TRPM2: variants seen among roughly 807,000 people sequenced by gnomAD.
TRPM2 encodes the protein estrogen-responsive element-associated gene 1 protein.
TRPM2 carries 161 observed loss-of-function variants against 174.0 expected under a neutral mutation model. The ratio of observed to expected loss-of-function variants is 0.93; its 90% CI spans 0.81 to 1.05. The LOEUF (loss-of-function observed/expected upper bound fraction) is 1.05. Ranked by LOEUF, TRPM2 falls within the 50% of genes least tolerant of loss-of-function variation. TRPM2 has a pLI of 0.00. For synonymous variants in TRPM2, 954 were observed against 861.3 expected, an observed-to-expected ratio of 1.11 and a Z score of -1.88; for missense variants, 2,057 against 2,038.0, an observed-to-expected ratio of 1.01 and a Z score of -0.18.
At chr21:44,387,649 A>G (rs1275044315) in intron 9 of TRPM2, among the ~76,000 whole-genome samples, 1 of 152,200 alleles carries the variant, frequency 6.6e-6, no homozygotes, top group Non-Finnish European at 1.5e-5. Context: ...AATCATACAT[A>G]TGGTAAGGGA....
In TRPM2 at chr21:44,406,782, A is replaced by G. The variant is rs1187903834; in HGVS notation, c.2962+17A>G. The G allele has an allele frequency of 5.7e-6, 9 of 1,588,604 alleles. No individual in the cohort carries two copies. The East Asian group carries it at 6.9e-5, about 12-fold the overall frequency. The stretch of plus-strand genomic sequence containing the variant: ...ACATCGACGGTAGGAGCCGGGCGCC[A>G]TGGGAGCTCGGGTGGTGCTGCCGGG... On this transcript the variant is annotated intron_variant, in intron 19 of 31. Transcript: ENST00000397928.
intron 3 of TRPM2, among the ~76,000 whole-genome samples, chr21:44,365,891 C>T (rs1263444770): frequency 6.6e-6 from 1 of 152,212 alleles, no homozygotes; most frequent in Non-Finnish European, 1.5e-5. Flanking sequence ...CCGGTGGGAC[C>T]CACGTTCTGA....
intron 24 of TRPM2, chr21:44,425,169 G>A (rs892751025): frequency 4.0e-5 from 22 of 546,358 alleles, no homozygotes; most frequent in Non-Finnish European, 4.9e-5. Flanking sequence ...GGACGTCCAC[G>A]GGGAGGCCTG....
At position 44,418,481 on chromosome 21, in the gene TRPM2, G is replaced by A; in HGVS notation, c.3387G>A (p.Lys1129=). The A allele has an allele frequency of 1.2e-6, 2 of 1,614,118 alleles. No homozygotes were observed. Among genetic ancestry groups the A allele is most frequent in the South Asian group, 2.2e-5 (2 of 91,084 alleles). The change falls in exon 22 of 32, where the codon AAG becomes AAA. Residue 1129 remains lysine, a synonymous_variant. Transcript: ENST00000397928. ...AALLSWEIYL[K]ENYLQNRQFQ... ...TGCTATCCTGGGAGATCTACCTGAAGGAGAACTACCTCCAGAACCGACAGT... is the reference window on the plus strand; with the variant it reads ...TGCTATCCTGGGAGATCTACCTGAAAGAGAACTACCTCCAGAACCGACAGT...
chr21:44,407,417 T>C (rs1191273163), intron 19 of TRPM2, among the ~76,000 whole-genome samples: 3 of 145,320 alleles, frequency 2.1e-5, no homozygotes, highest in African/African-American at 7.6e-5. Context: ...TGAGCCACCA[T>C]GCCTGCCAGA....
chr21:44,401,825 G>T lies in TRPM2; in HGVS notation c.2466G>T (p.Gln822His), dbSNP rs759921291. Residue 822 changes from glutamine to histidine, a missense_variant, in exon 16 of 32, where the codon CAG becomes CAT. Physicochemically the swap from Gln to His is conservative, Grantham distance 24. Transcript: ENST00000397928. ...LFAYVLMVDFQPVPSWCECAI... is the reference protein window; with the variant it reads ...LFAYVLMVDFHPVPSWCECAI... ...CCTACGTGCTCATGGTGGACTTCCA[G>T]CCTGTGCCCTCCTGGTGCGAGTGTG... 3 of 1,613,902 alleles carry T rather than the reference G, an allele frequency of 1.9e-6. No homozygotes were observed. The highest frequency in any genetic ancestry group is 1.1e-5 in the South Asian group (1 of 91,084).
In TRPM2 at chr21:44,395,733, A is replaced by G. The variant is rs78207036; in HGVS notation, c.1932+182A>G. Reference sequence around the variant, plus strand: ...GAGGGGTGTGGAGGGCTGTGGAGGGATGTGGAGGCTGTGGAGGGGTGTGGA... The same window carrying G: ...GAGGGGTGTGGAGGGCTGTGGAGGGGTGTGGAGGCTGTGGAGGGGTGTGGA... On this transcript the variant is annotated intron_variant, in intron 12 of 31. Transcript: ENST00000397928. Among the ~76,000 whole-genome samples the G allele has an allele frequency of 4.0e-4, 1 of 2,516 alleles. No homozygotes were observed. The highest frequency in any genetic ancestry group is 7.4e-4 in the Non-Finnish European group (1 of 1,346). The allele number at this position is 2,516 out of a possible 152,430, so 1.7% of individuals were successfully genotyped here. A position where few individuals can be genotyped will look rare whatever the true frequency, so the allele number is the denominator to read the frequency against.
intron 2 of TRPM2, among the ~76,000 whole-genome samples, chr21:44,355,580 G>C (rs2048037215): frequency 6.6e-6 from 1 of 152,170 alleles, no homozygotes. Context: ...TTTGATCCCA[G>C]CTGTCGTGCT....
intron 19 of TRPM2, among the ~76,000 whole-genome samples, chr21:44,412,321 G>T (rs1401456844): frequency 6.6e-6 from 1 of 151,984 alleles, no homozygotes; most frequent in Non-Finnish European, 1.5e-5. Context: ...GTCACCTTTG[G>T]TAGTTTGTGT....
intron 2 of TRPM2, among the ~76,000 whole-genome samples, chr21:44,357,820 A>G (rs1457121274): frequency 6.6e-6 from 1 of 152,176 alleles, no homozygotes; most frequent in African/African-American, 2.4e-5. Context: ...CCCCTCTGAG[A>G]AGGCAACCTG....
chr21:44,425,262 G>C (rs2050715463), intron 24 of TRPM2: 3 of 410,742 alleles, frequency 7.3e-6, no homozygotes, highest in African/African-American at 2.0e-5. Context: ...GTCTGAACCT[G>C]GTCACGTAGG....
intron 11 of TRPM2, among the ~76,000 whole-genome samples, chr21:44,394,499 T>C (rs1475613362): frequency 6.6e-6 from 1 of 151,896 alleles, no homozygotes; most frequent in East Asian, 2.0e-4. Context: ...TTTTGTATTT[T>C]TAGTAGAGAT....
In TRPM2 at chr21:44,406,823, T is replaced by A. The variant is rs948010242; in HGVS notation, c.2962+58T>A. 7.8e-6 allele frequency: 12 copies of A among 1,547,448 alleles called. No homozygotes were observed. The African/African-American group carries it at 9.6e-5, about 12-fold the overall frequency. Reference sequence around the variant, plus strand: ...TGCTGCCGGGAAGCAGGAGAGAGGCTGGAAAGGGGCCGCATGAGTGGGAGT... The same window carrying A: ...TGCTGCCGGGAAGCAGGAGAGAGGCAGGAAAGGGGCCGCATGAGTGGGAGT... On this transcript the variant is annotated intron_variant, in intron 19 of 31. Coordinates refer to ENST00000397928, the MANE Select transcript of TRPM2 (RefSeq NM_003307.4).
At chr21:44,361,688 A>T in intron 2 of TRPM2, among the ~76,000 whole-genome samples, 1 of 149,396 alleles carries the variant, frequency 6.7e-6, no homozygotes, top group Non-Finnish European at 1.5e-5. Flanking sequence ...CATTTTTTAG[A>T]ATTCTATTTT....
intron 19 of TRPM2, among the ~76,000 whole-genome samples, chr21:44,413,489 C>T (rs547936670): frequency 3.3e-5 from 5 of 152,270 alleles, no homozygotes; most frequent in Admixed American, 1.3e-4. Flanking sequence ...GTGATCCGCC[C>T]GCCTTGGCCT....
Position 44,399,398 on chromosome 21 carries a change from T to C in TRPM2, c.2165T>C (p.Leu722Pro). The change falls in exon 14 of 32, where the codon CTG (leucine) becomes CCG (proline). Residue 722 changes from leucine to proline, a missense_variant. By Grantham distance (98) the Leu-to-Pro change is moderately conservative. Coordinates refer to ENST00000397928, the MANE Select transcript of TRPM2 (RefSeq NM_003307.4). This position sits in a 1 kb window ranked among gnomAD's most constrained non-coding sequence, Gnocchi z 4.6. Reference protein sequence around the residue: ...WGKTTCLQLALEAKDMKFVSH... With the variant: ...WGKTTCLQLAPEAKDMKFVSH... ...AAGACCACCTGCCTGCAGCTCGCCC[T>C]GGAGGCCAAGGACATGAAGTTTGTG... The C allele has an allele frequency of 6.2e-7, 1 of 1,612,788 alleles. No homozygotes were observed. The highest frequency in any genetic ancestry group is 8.5e-7 in the Non-Finnish European group (1 of 1,179,898).
At position 44,408,488 on chromosome 21, in the gene TRPM2, T is replaced by C. The variant is rs140943143; in HGVS notation, c.2962+1723T>C. Among the ~76,000 whole-genome samples, 678 of 151,880 alleles carry C rather than the reference T, an allele frequency of 4.5e-3. 9 individuals carry two copies. The highest frequency in any genetic ancestry group is 0.014 in the African/African-American group (593 of 41,416). On this transcript the variant is annotated intron_variant, in intron 19 of 31. Coordinates refer to ENST00000397928, the MANE Select transcript of TRPM2 (RefSeq NM_003307.4). ...CTACCTTCTTGTCAACATTTGTTAT[T>C]GTCCATTAAAAAAACAAAGCTCGCA... is the stretch of plus-strand genomic sequence containing the variant.
At chr21:44,372,535 A>G (rs185090625) in intron 5 of TRPM2, among the ~76,000 whole-genome samples, 2 of 152,286 alleles carry the variant, frequency 1.3e-5, no homozygotes, top group East Asian at 3.9e-4. Flanking sequence ...CATCAGCTCA[A>G]AAGTCCCAAA....
chr21:44,408,867 A>G (rs933494333), intron 19 of TRPM2, among the ~76,000 whole-genome samples: 2 of 151,998 alleles, frequency 1.3e-5, no homozygotes, highest in African/African-American at 4.8e-5. Context: ...CATGTTGGCC[A>G]GGCTGGTCTC....
Sources: allele counts gnomAD v4.1 joint callset (sites outside exome capture counted in the v4.1 genomes callset), GRCh38; gene constraint gnomAD v4.1.1; non-coding constraint Gnocchi (gnomAD v3.1); transcripts MANE v1.5; gene names NCBI Gene and HGNC (gene_info 2026-07-23, HGNC 2026-07-21).